Variants in SPATC1 observed in about 807,000 individuals in gnomAD.
SPATC1 encodes spermatogenesis and centriole associated 1.
SPATC1 carries 35 observed loss-of-function variants against 36.5 expected under a neutral mutation model. The observed-to-expected ratio is 0.96, with a 90% CI of 0.73 to 1.27. The LOEUF (loss-of-function observed/expected upper bound fraction) is 1.27. Ranked by LOEUF, SPATC1 falls within the 50% of genes most tolerant of loss-of-function variation. SPATC1 has a pLI of 0.00. For missense variants in SPATC1, 779 were observed against 796.0 expected, an observed-to-expected ratio of 0.98 and a Z score of 0.26; for synonymous variants, 361 against 353.6, an observed-to-expected ratio of 1.02 and a Z score of -0.24.
intron 1 of SPATC1, among the ~76,000 whole-genome samples, chr8:144,023,453 T>A (rs1834596121): frequency 3.9e-5 from 3 of 76,508 alleles, no homozygotes. Flanking sequence ...AGGACCTTCT[T>A]CCCTGAGGAC....
At chr8:144,032,808 T>C (rs1286961351) in intron 1 of SPATC1, among the ~76,000 whole-genome samples, 1 of 152,158 alleles carries the variant, frequency 6.6e-6, no homozygotes, top group Non-Finnish European at 1.5e-5. Context: ...GCCAACCTTA[T>C]GGCCATCACT....
At chr8:144,041,539 G>T (rs2129656392) in intron 4 of SPATC1, among the ~76,000 whole-genome samples, 168 bp downstream of exon 4, 1 of 152,374 alleles carries the variant, frequency 6.6e-6, no homozygotes, top group Non-Finnish European at 1.5e-5. Context: ...GCATCTGGCA[G>T]TGGGAGCCCA....
In SPATC1 at chr8:144,046,829, C is replaced by G. The variant is rs782084775; in HGVS notation, c.1649C>G (p.Thr550Ser). The part of the protein sequence containing the change: ...ELAASEGGPY[T>S]VDFLQRVVVE... ...GCGGCGTCTGAGGGCGGCCCCTACA[C>G]CGTGGACTTCCTGCAGCGTGTGGTG... The change falls in exon 5 of 5, where the codon ACC (threonine) becomes AGC (serine). Residue 550 changes from threonine (T) to serine (S), a missense_variant. Coordinates refer to ENST00000377470, the MANE Select transcript of SPATC1 (RefSeq NM_198572.3). The surrounding 1 kb of genome is among the most constrained non-coding windows in gnomAD (Gnocchi z 6.6). The G allele has an allele frequency of 6.2e-7, 1 of 1,603,660 alleles. No homozygotes were observed. The highest frequency in any genetic ancestry group is 1.3e-5 in the African/African-American group (1 of 75,068).
upstream of SPATC1, among the ~76,000 whole-genome samples, chr8:144,011,488 C>T (rs1834282472): frequency 6.6e-6 from 1 of 152,162 alleles, no homozygotes; most frequent in Admixed American, 6.5e-5. The surrounding 1 kb of genome is among the most constrained non-coding windows in gnomAD (Gnocchi z 4.5). Flanking sequence ...CTGGCCTGTA[C>T]CTGGACTTCG....
intron 1 of SPATC1, among the ~76,000 whole-genome samples, chr8:144,031,003 T>G (rs1834782181): frequency 6.6e-6 from 1 of 152,232 alleles, no homozygotes; most frequent in Admixed American, 6.5e-5. Context: ...ATATTTATAA[T>G]CATTGTTTTA....
At position 144,013,048 on chromosome 8, in the gene SPATC1, CT is replaced by C. The variant is rs563074361; in HGVS notation, c.211+324del. Among the ~76,000 whole-genome samples the C allele has an allele frequency of 1.3e-3, 201 of 152,214 alleles. 2 individuals carry two copies. Among genetic ancestry groups the C allele is most frequent in the African/African-American group, 4.5e-3 (188 of 41,528 alleles). On this transcript the variant is annotated intron_variant, in intron 1 of 4. Coordinates refer to ENST00000377470, the MANE Select transcript of SPATC1 (RefSeq NM_198572.3). Reference sequence around the variant, plus strand: ...CACCATCAGGTATGAAATCTTCCTCCTTCCCTGAAAGGACACCTCTGCTCTT... The same window carrying C: ...CACCATCAGGTATGAAATCTTCCTCCTCCCTGAAAGGACACCTCTGCTCTT...
In SPATC1 at chr8:144,040,872, C is replaced by T. The variant is rs782479881; in HGVS notation, c.1071C>T (p.Ile357=). ...TSYTPSSTTH[I]AQGAPHPPSR... ...ACACACCCTCAAGCACCACCCACAT[C>T]GCCCAGGGTGCCCCCCATCCCCCTT... Residue 357 remains isoleucine (I), a synonymous_variant, in exon 3 of 5, where the codon ATC becomes ATT. Coordinates refer to ENST00000377470, the MANE Select transcript of SPATC1 (RefSeq NM_198572.3). 14 of 1,586,310 alleles carry T rather than the reference C, an allele frequency of 8.8e-6. No homozygotes were observed. The highest frequency in any genetic ancestry group is 6.9e-5 in the Admixed American group (4 of 58,348).
chr8:144,020,479 ACT>A (rs1834487299), intron 1 of SPATC1, among the ~76,000 whole-genome samples: 1 of 126,614 alleles, frequency 7.9e-6, no homozygotes, highest in Admixed American at 7.6e-5. Context: ...TTCCCTCAGG[ACT>A]CTCTTCTCTG....
chr8:144,041,472 G>A, intron 4 of SPATC1, 101 bp downstream of exon 4: 3 of 1,446,692 alleles, frequency 2.1e-6, no homozygotes, highest in Non-Finnish European at 2.8e-6. Context: ...AGGACCTGAG[G>A]AGTCCCTGGG....
At chr8:144,012,749 G>C (rs1554752649) in intron 1 of SPATC1, 23 bp downstream of exon 1, 4 of 1,551,150 alleles carry the variant, frequency 2.6e-6, no homozygotes. Flanking sequence ...GCTCCCAAGA[G>C]AGTGAGGAGG....
At chr8:144,020,820 C>T (rs1834505446) in intron 1 of SPATC1, among the ~76,000 whole-genome samples, 1 of 148,596 alleles carries the variant, frequency 6.7e-6, no homozygotes, top group African/African-American at 2.5e-5. Flanking sequence ...CCTCAGAACT[C>T]TCTTCTCTCA....
intron 4 of SPATC1, among the ~76,000 whole-genome samples, chr8:144,042,905 G>A (rs1381677886): frequency 6.6e-5 from 10 of 151,960 alleles, no homozygotes; most frequent in African/African-American, 1.9e-4. Flanking sequence ...GAGTGTAGTG[G>A]CATAATTATG....
chr8:144,019,869 G>A (rs1834469136), intron 1 of SPATC1, among the ~76,000 whole-genome samples: 1 of 151,920 alleles, frequency 6.6e-6, no homozygotes, highest in African/African-American at 2.4e-5. Context: ...ACCTACCTGA[G>A]GATCCTCTCC....
At chr8:144,041,962 G>A (rs1835114133) in intron 4 of SPATC1, 1 of 985,118 alleles carries the variant, frequency 1.0e-6, no homozygotes, top group Non-Finnish European at 1.2e-6. Context: ...GTGTGTGTGG[G>A]ATTTTGTTTG....
In SPATC1 at chr8:144,036,109, A is replaced by G. The variant is rs1296776665; in HGVS notation, c.212-3800A>G. Among the ~76,000 whole-genome samples the G allele has an allele frequency of 3.9e-5, 6 of 152,252 alleles. No homozygotes were observed. In the South Asian group the frequency reaches 1.2e-3, roughly 32 times the overall value. On this transcript the variant is annotated intron_variant, in intron 1 of 4. Coordinates refer to ENST00000377470, the MANE Select transcript of SPATC1 (RefSeq NM_198572.3). ...ACAAAACTTTCTAAAAAGTCAGAAC[A>G]AGAAATCATAAAAGACCAGGCTGGG...
rs1438762309 is a variant in SPATC1 at position 144,046,124 on chromosome 8, T to TG, written c.1447-502dup. Among the ~76,000 whole-genome samples, 1 of 151,480 alleles carries TG rather than the reference T, an allele frequency of 6.6e-6. No individual in the cohort carries two copies. The highest frequency in any genetic ancestry group is 1.5e-5 in the Non-Finnish European group (1 of 67,824). Reference sequence around the variant, plus strand: ...GGAGGAAAGGGAGTCCCCTAGGGGGTGTGCAGGCTAGAGGGTGCTGAGGAT... The same window carrying TG: ...GGAGGAAAGGGAGTCCCCTAGGGGGTGGTGCAGGCTAGAGGGTGCTGAGGAT... On this transcript the variant is annotated intron_variant, in intron 4 of 4. Transcript: ENST00000377470. This position sits in a 1 kb window ranked among gnomAD's most constrained non-coding sequence, Gnocchi z 6.6.
chr8:144,013,562 G>A (rs1275517219), intron 1 of SPATC1, among the ~76,000 whole-genome samples: 1 of 152,120 alleles, frequency 6.6e-6, no homozygotes, highest in Non-Finnish European at 1.5e-5. Context: ...GCATAGGGCT[G>A]GTCTTCAGTT....
At chr8:144,028,969 G>T (rs1043444352) in intron 1 of SPATC1, among the ~76,000 whole-genome samples, 24 of 152,158 alleles carry the variant, frequency 1.6e-4, no homozygotes, top group African/African-American at 5.5e-4. Flanking sequence ...GCCAAACACT[G>T]CATGTTCTCA....
At chr8:144,028,525 A>G (rs1200158958) in intron 1 of SPATC1, among the ~76,000 whole-genome samples, 3 of 152,336 alleles carry the variant, frequency 2.0e-5, no homozygotes, top group Non-Finnish European at 2.9e-5. Context: ...ACCAGTCACA[A>G]TGGCAATTAT....
Sources: gnomAD v4.1 joint callset for allele counts (sites outside exome capture counted in the v4.1 genomes callset) on GRCh38, gnomAD v4.1.1 for gene constraint, Gnocchi (gnomAD v3.1) non-coding constraint, MANE v1.5 for transcripts, NCBI Gene and HGNC (gene_info 2026-07-23, HGNC 2026-07-21) for gene names.